GPC5: variants seen among roughly 807,000 people sequenced by gnomAD.
GPC5 encodes glypican-5.
GPC5 carries 47 observed loss-of-function variants against 53.9 expected under a neutral mutation model. The observed-to-expected ratio is 0.87, with a 90% confidence interval of 0.69 to 1.11. The LOEUF (loss-of-function observed/expected upper bound fraction) is 1.11. Ranked by LOEUF, GPC5 falls within the 50% of genes most tolerant of loss-of-function variation. GPC5 has a pLI of 0.00. For synonymous variants in GPC5, 286 were observed against 263.3 expected, an observed-to-expected ratio of 1.09 and a Z score of -0.84; for missense variants, 748 against 713.1, an observed-to-expected ratio of 1.05 and a Z score of -0.56.
chr13:92,031,859 A>T lies in GPC5; in HGVS notation c.1402-112971A>T, dbSNP rs867815436. 2.9e-3 allele frequency among the ~76,000 whole-genome samples: 243 copies of T among 83,246 alleles called. 3 individuals are homozygous for T. Among genetic ancestry groups the T allele is most frequent in the African/African-American group, 0.012 (234 of 19,834 alleles). The allele number at this position is 83,246 out of a possible 152,430, so 54.6% of individuals were successfully genotyped here. On this transcript the variant is annotated intron_variant, in intron 6 of 7. Coordinates refer to ENST00000377067, the MANE Select transcript of GPC5 (RefSeq NM_004466.6). Reference sequence around the variant, plus strand: ...TAATATATTACATATTATATATAATATATATATTATATATAACATATATTT... The same window carrying T: ...TAATATATTACATATTATATATAATTTATATATTATATATAACATATATTT...
chr13:92,017,700 T>A (rs1160050995), intron 6 of GPC5, among the ~76,000 whole-genome samples: 1 of 152,098 alleles, frequency 6.6e-6, no homozygotes, highest in African/African-American at 2.4e-5. Context: ...CCCATGTGTG[T>A]CTATACATGT....
In GPC5 at chr13:91,399,218, C is replaced by T. The variant is rs374855007; in HGVS notation, c.163+9C>T. Reference sequence around the variant, plus strand: ...GGATTCGCCGCGGGCAGGTAAGGGGCAATGAGGGGGTCTCTGGACTGGCGG... The same window carrying T: ...GGATTCGCCGCGGGCAGGTAAGGGGTAATGAGGGGGTCTCTGGACTGGCGG... On this transcript the variant is annotated intron_variant, in intron 1 of 7. Coordinates refer to ENST00000377067, the MANE Select transcript of GPC5 (RefSeq NM_004466.6). The T allele has an allele frequency of 8.7e-6, 14 of 1,610,064 alleles. No homozygotes were observed. Among genetic ancestry groups the T allele is most frequent in the African/African-American group, 6.7e-5 (5 of 74,880 alleles).
At chr13:92,236,274 A>G (rs984781960) in intron 7 of GPC5, among the ~76,000 whole-genome samples, 17 of 152,096 alleles carry the variant, frequency 1.1e-4, no homozygotes, top group African/African-American at 4.1e-4. Context: ...TAGACTCTCC[A>G]TGATGAAACT....
intron 7 of GPC5, among the ~76,000 whole-genome samples, chr13:92,336,787 A>T (rs1275920362): frequency 1.3e-5 from 2 of 152,176 alleles, no homozygotes; most frequent in African/African-American, 4.8e-5. Flanking sequence ...AGTGAATGCA[A>T]TCAAAACCTA....
chr13:92,701,242 A>G lies in GPC5; in HGVS notation c.1562-165040A>G, dbSNP rs531090980. The G allele has an allele frequency of 3.9e-5, 6 of 152,242 alleles. No individual in the cohort carries two copies. In the South Asian group the frequency reaches 1.2e-3, roughly 32 times the overall value. 9.4% of individuals were successfully genotyped at this position (152,242 alleles called of 1,614,324 possible). On this transcript the variant is annotated intron_variant, in intron 7 of 7. Coordinates refer to ENST00000377067, the MANE Select transcript of GPC5 (RefSeq NM_004466.6). ...GCCATAAAAGGAAATAAGTCATACA[A>G]AGAAATAACCCTGGATCTAAAATGC...
chr13:91,998,638 T>A (rs991400196), intron 6 of GPC5, among the ~76,000 whole-genome samples: 4 of 152,164 alleles, frequency 2.6e-5, no homozygotes, highest in African/African-American at 9.7e-5. Flanking sequence ...GAACCCAATG[T>A]CTCTGCAAAG....
At chr13:92,245,374 C>A (rs553706823) in intron 7 of GPC5, among the ~76,000 whole-genome samples, 44 of 152,224 alleles carry the variant, frequency 2.9e-4, no homozygotes, top group African/African-American at 1.1e-3. Flanking sequence ...TACCATTTAT[C>A]CCCACTTGGA....
chr13:92,073,655 T>C (rs1429244333), intron 6 of GPC5, among the ~76,000 whole-genome samples: 1 of 152,248 alleles, frequency 6.6e-6, no homozygotes, highest in Non-Finnish European at 1.5e-5. Flanking sequence ...TGGTATACCA[T>C]GTATACCAAG....
intron 5 of GPC5, among the ~76,000 whole-genome samples, chr13:91,871,060 A>T (rs913129754): frequency 6.6e-6 from 1 of 152,224 alleles, no homozygotes; most frequent in Non-Finnish European, 1.5e-5. Context: ...AGCCTTGTGG[A>T]TACTGAATAG....
chr13:92,176,278 G>A (rs1402387595), intron 7 of GPC5, among the ~76,000 whole-genome samples: 1 of 152,134 alleles, frequency 6.6e-6, no homozygotes, highest in East Asian at 1.9e-4. Flanking sequence ...TGTATGCTAA[G>A]GCTCTCCCTG....
rs201781044 is a variant in GPC5 at position 91,451,620 on chromosome 13, G to T, written c.325+2698G>T. Among the ~76,000 whole-genome samples, 154 of 148,246 alleles carry T rather than the reference G, an allele frequency of 1.0e-3. No individual in the cohort carries two copies. The Middle Eastern group carries it at 0.024, about 24-fold the overall frequency. On this transcript the variant is annotated intron_variant, in intron 2 of 7. Transcript: ENST00000377067. ...TCTAGGACAACTCTTCTGTTTGTTT[G>T]TTTTTTTTTTTCCCCGAGGTGGAGT...
At chr13:92,466,335 G>T (rs1336343361) in intron 7 of GPC5, among the ~76,000 whole-genome samples, 1 of 151,942 alleles carries the variant, frequency 6.6e-6, no homozygotes, top group East Asian at 1.9e-4. Flanking sequence ...AGCATAGAAT[G>T]ATAACAAAAT....
intron 5 of GPC5, among the ~76,000 whole-genome samples, chr13:91,865,907 G>A (rs1016693369): frequency 5.9e-5 from 9 of 152,008 alleles, no homozygotes; most frequent in African/African-American, 1.9e-4. Context: ...CACTCTTGTG[G>A]CCCAGGCTTG....
At chr13:91,827,898 G>A (rs2038598955) in intron 5 of GPC5, among the ~76,000 whole-genome samples, 1 of 151,920 alleles carries the variant, frequency 6.6e-6, no homozygotes, top group Non-Finnish European at 1.5e-5. Flanking sequence ...CGTACTCACA[G>A]CATCATTATT....
chr13:91,675,392 C>T (rs2035358786), intron 2 of GPC5, among the ~76,000 whole-genome samples: 1 of 152,066 alleles, frequency 6.6e-6, no homozygotes, highest in Non-Finnish European at 1.5e-5. Flanking sequence ...GTTGGATTTG[C>T]TTGAAAAATA....
chr13:91,508,945 C>T (rs1885090785), intron 2 of GPC5, among the ~76,000 whole-genome samples: 2 of 152,144 alleles, frequency 1.3e-5, no homozygotes, highest in Admixed American at 1.3e-4. Context: ...TAGCCCTGGC[C>T]TGACCTCAAA....
chr13:91,685,930 TA>T (rs34313349), intron 2 of GPC5, among the ~76,000 whole-genome samples: 30,853 of 142,112 alleles, frequency 0.22, 3,985 homozygotes, highest in African/African-American at 0.38. Flanking sequence ...ATGAATTAAC[TA>T]AAAAAAAAAA....
At chr13:92,037,954 G>C (rs1351919680) in intron 6 of GPC5, among the ~76,000 whole-genome samples, 1 of 152,060 alleles carries the variant, frequency 6.6e-6, no homozygotes, top group Non-Finnish European at 1.5e-5. Flanking sequence ...GATCGTTCTG[G>C]CTGCTTTGAT....
intron 2 of GPC5, among the ~76,000 whole-genome samples, chr13:91,638,740 T>A (rs1434409615): frequency 6.6e-6 from 1 of 152,136 alleles, no homozygotes; most frequent in Non-Finnish European, 1.5e-5. Context: ...ATTCAAAAAA[T>A]TTTTTAAACA....
Sources: gnomAD v4.1 joint callset for allele counts (sites outside exome capture counted in the v4.1 genomes callset) on GRCh38, gnomAD v4.1.1 for gene constraint, MANE v1.5 for transcripts, NCBI Gene and HGNC (gene_info 2026-07-23, HGNC 2026-07-21) for gene names.